Variants in ZNF90 observed in about 807,000 individuals in gnomAD.
ZNF90 encodes the protein zinc finger protein 90, also known as zinc finger protein HTF9.
Under a neutral mutation model 12.0 loss-of-function variants are expected in ZNF90, and 11 were observed. That is an observed-to-expected ratio of 0.92 (90% confidence interval 0.58 to 1.52). The LOEUF is 1.52. Among genes scored for constraint, ZNF90 ranks in the 40% most tolerant of loss-of-function variants. ZNF90 has a pLI of 0.00. For synonymous variants in ZNF90, 232 were observed against 240.1 expected, an observed-to-expected ratio of 0.97 and a Z score of 0.31; for missense variants, 765 against 711.5, an observed-to-expected ratio of 1.08 and a Z score of -0.86.
At chr19:20,079,236 C>T (rs372005830) in intron 1 of ZNF90, among the ~76,000 whole-genome samples, 130 of 151,278 alleles carry the variant, frequency 8.6e-4, no homozygotes, top group Non-Finnish European at 1.6e-3. Flanking sequence ...GTGAATAACT[C>T]TGGCATGGAA....
At chr19:20,104,552 C>A (rs2089015932) in intron 2 of ZNF90, among the ~76,000 whole-genome samples, 187 bp downstream of exon 2, 1 of 152,140 alleles carries the variant, frequency 6.6e-6, no homozygotes, top group Non-Finnish European at 1.5e-5. Context: ...TTTAAACTTT[C>A]CACTTTCCTG....
intron 1 of ZNF90, among the ~76,000 whole-genome samples, chr19:20,092,038 T>C (rs993289485): frequency 1.3e-5 from 2 of 151,768 alleles, no homozygotes; most frequent in Non-Finnish European, 2.9e-5. Context: ...AGAAGGAAAT[T>C]TGGGGAAATG....
intron 1 of ZNF90, among the ~76,000 whole-genome samples, chr19:20,093,471 G>A (rs868911461): frequency 6.6e-6 from 1 of 152,086 alleles, no homozygotes; most frequent in East Asian, 1.9e-4. Flanking sequence ...GGGCTAAGGT[G>A]GGGGGATATG....
Position 20,118,162 on chromosome 19 carries a change from G to A in ZNF90, c.608G>A (p.Cys203Tyr). ...CATACTGGAGAGATAACCTGCAAATGTGAAGAATGTGGCAAAGCCTTCAAC... is the reference window on the plus strand; with the variant it reads ...CATACTGGAGAGATAACCTGCAAATATGAAGAATGTGGCAAAGCCTTCAAC... ...KIHTGEITCK[C>Y]EECGKAFNRS... The change falls in exon 4 of 4, where the codon TGT (cysteine) becomes TAT (tyrosine). Residue 203 changes from cysteine (C) to tyrosine (Y), a missense_variant. Physicochemically the swap from Cys to Tyr is radical, Grantham distance 194. Transcript: ENST00000418063. 1 of 1,610,594 alleles carries A rather than the reference G, an allele frequency of 6.2e-7. No homozygotes were observed. The highest frequency in any genetic ancestry group is 8.5e-7 in the Non-Finnish European group (1 of 1,178,082).
At chr19:20,106,744 C>T (rs782575273) in intron 3 of ZNF90, among the ~76,000 whole-genome samples, 3 of 152,172 alleles carry the variant, frequency 2.0e-5, no homozygotes, top group African/African-American at 4.8e-5. Context: ...TGAGCCACTG[C>T]GCCCGGCCCA....
chr19:20,110,338 G>A (rs532755992), intron 3 of ZNF90, among the ~76,000 whole-genome samples: 3 of 152,162 alleles, frequency 2.0e-5, no homozygotes, highest in South Asian at 4.1e-4. Flanking sequence ...GAGTGCAGTG[G>A]TGTGATCTTG....
intron 1 of ZNF90, among the ~76,000 whole-genome samples, chr19:20,095,207 C>T (rs544558266): frequency 2.7e-4 from 41 of 151,970 alleles, no homozygotes; most frequent in African/African-American, 9.4e-4. Flanking sequence ...AGGGAGGGAA[C>T]GAAGTGTGAA....
At position 20,118,875 on chromosome 19, in the gene ZNF90, A is replaced by G. The variant is rs782266275; in HGVS notation, c.1321A>G (p.Ser441Gly). ...DKVFKRSSAL[S>G]THKIIHSGEK... ...AGTCTTCAAACGCTCCTCAGCCCTT[A>G]GCACACATAAGATAATTCATAGTGG... The change falls in exon 4 of 4, where the codon AGC becomes GGC. Residue 441 changes from serine (S) to glycine (G), a missense_variant. Transcript: ENST00000418063. 2.0e-5 allele frequency: 32 copies of G among 1,609,730 alleles called. No homozygotes were observed. The highest frequency in any genetic ancestry group is 2.7e-5 in the Non-Finnish European group (32 of 1,178,310).
chr19:20,086,436 A>C (rs919709389), intron 1 of ZNF90, among the ~76,000 whole-genome samples: 4 of 151,644 alleles, frequency 2.6e-5, no homozygotes, highest in Non-Finnish European at 5.9e-5. Context: ...GTGTGTTATC[A>C]TGTTCACCAG....
chr19:20,087,857 GGTTT>G (rs1568283185), intron 1 of ZNF90, among the ~76,000 whole-genome samples: 1 of 152,056 alleles, frequency 6.6e-6, no homozygotes, highest in East Asian at 1.9e-4. Flanking sequence ...AGTCAAAGGG[GGTTT>G]GTTCTCTGGT....
intron 1 of ZNF90, chr19:20,080,277 G>C (rs1020658405): frequency 5.2e-6 from 3 of 572,454 alleles, no homozygotes; most frequent in Admixed American, 2.0e-5. Flanking sequence ...GGACTAGCTC[G>C]TTATTAGATG....
Position 20,118,823 on chromosome 19 carries a change from A to G in ZNF90, c.1269A>G (p.Lys423=), listed in dbSNP as rs2089169013. The change falls in exon 4 of 4, where the codon AAA becomes AAG. Residue 423 remains lysine (K), a synonymous_variant. Coordinates refer to ENST00000418063, the MANE Select transcript of ZNF90 (RefSeq NM_007138.2). ...TIHKISHTEE[K]PYKCQECDKV... is the part of the protein sequence containing the mutation. ...ATAAGATAAGTCATACTGAAGAGAA[A>G]CCCTACAAATGTCAAGAATGTGACA... 1 of 1,603,570 alleles carries G rather than the reference A, an allele frequency of 6.2e-7. No individual in the cohort carries two copies. The highest frequency in any genetic ancestry group is 8.5e-7 in the Non-Finnish European group (1 of 1,174,898).
At chr19:20,106,869 G>T (rs2089043980) in intron 3 of ZNF90, 4 of 454,408 alleles carry the variant, frequency 8.8e-6, no homozygotes, top group African/African-American at 8.0e-5. Flanking sequence ...AAGGCTGCTG[G>T]GTCTGCACTA....
intron 1 of ZNF90, among the ~76,000 whole-genome samples, chr19:20,088,675 G>A (rs1449913076): frequency 1.3e-5 from 2 of 152,182 alleles, no homozygotes; most frequent in Non-Finnish European, 2.9e-5. Context: ...GTAAGTCAAG[G>A]CCTCGGCAGT....
At position 20,120,428 on chromosome 19, in the gene ZNF90, A is replaced by G. The variant is rs943916341; in HGVS notation, c.*1068A>G. Among the ~76,000 whole-genome samples the G allele has an allele frequency of 1.3e-5, 2 of 152,216 alleles. No individual in the cohort carries two copies. The highest frequency in any genetic ancestry group is 2.9e-5 in the Non-Finnish European group (2 of 68,032). ...ATTGCACACATTTTGTACTAGAGGAAAACCCTGAAGCAGTTGCTCCAGCTT... is the reference window on the plus strand; with the variant it reads ...ATTGCACACATTTTGTACTAGAGGAGAACCCTGAAGCAGTTGCTCCAGCTT... On this transcript the variant is annotated 3_prime_UTR_variant, in exon 4 of 4. Transcript: ENST00000418063.
chr19:20,086,232 C>CTTTTTTTTTTTTT (rs59433953), intron 1 of ZNF90, among the ~76,000 whole-genome samples: 1 of 99,796 alleles, frequency 1.0e-5, no homozygotes, highest in Non-Finnish European at 2.0e-5. Flanking sequence ...ATTTTCTTTT[C>CTTTTTTTTTTTTT]TTTTTTTTTT....
intron 1 of ZNF90, among the ~76,000 whole-genome samples, chr19:20,090,564 G>T (rs1025826640): frequency 2.6e-5 from 4 of 152,212 alleles, no homozygotes; most frequent in African/African-American, 9.6e-5. Context: ...GTCCATCGAG[G>T]TTGTAGAGTT....
Position 20,119,243 on chromosome 19 carries a change from A to T in ZNF90, c.1689A>T (p.Lys563Asn). 6.2e-7 allele frequency: 1 copy of T among 1,613,800 alleles called. No homozygotes were observed. The highest frequency in any genetic ancestry group is 8.5e-7 in the Non-Finnish European group (1 of 1,179,908). Residue 563 changes from lysine (K) to asparagine (N), a missense_variant, in exon 4 of 4, where the codon AAA becomes AAT. By Grantham distance (94) the Lys-to-Asn change is moderately conservative. Transcript: ENST00000418063. ...TSHKISHTGE[K>N]PYKCEECGKA... ...ATAAGATAAGTCATACTGGAGAGAA[A>T]CCCTACAAATGTGAAGAATGTGGCA...
At chr19:20,115,238 TA>T (rs1555705547) in intron 3 of ZNF90, among the ~76,000 whole-genome samples, 1 of 152,164 alleles carries the variant, frequency 6.6e-6, no homozygotes, top group Admixed American at 6.5e-5. Context: ...AAAGGCAAGT[TA>T]AATCTTGATT....
Sources: gnomAD v4.1 joint callset for allele counts (sites outside exome capture counted in the v4.1 genomes callset) on GRCh38, gnomAD v4.1.1 for gene constraint, MANE v1.5 for transcripts, NCBI Gene and HGNC (gene_info 2026-07-23, HGNC 2026-07-21) for gene names.